The following DTNBP1 variants were observed in gnomAD, a reference collection of about 807,000 sequenced individuals.
DTNBP1 encodes the protein dystrobrevin binding protein 1.
DTNBP1 carries 35 observed loss-of-function variants against 42.8 expected under a neutral mutation model. The observed-to-expected ratio is 0.82, with a 90% CI of 0.63 to 1.09. The LOEUF is 1.09. Among genes scored for constraint, DTNBP1 ranks in the 50% least tolerant of loss-of-function variants. The pLI is 0.00. For missense variants in DTNBP1, 457 were observed against 424.2 expected (o/e 1.08, Z -0.68); for synonymous variants, 171 against 162.2 (o/e 1.05, Z -0.41).
chr6:15,659,555 CT>C (rs5874523), intron 1 of DTNBP1, among the ~76,000 whole-genome samples: 55,345 of 116,072 alleles, frequency 0.48, 10,456 homozygotes, highest in East Asian at 0.69. Context: ...GGGTTTCTTT[CT>C]TTTTTTTTTT....
chr6:15,588,799 G>A (rs193042159), intron 7 of DTNBP1, among the ~76,000 whole-genome samples: 40 of 152,246 alleles, frequency 2.6e-4, no homozygotes, highest in Non-Finnish European at 2.9e-5. Flanking sequence ...CTTTACAACT[G>A]TTCTTTCCTC....
intron 1 of DTNBP1, among the ~76,000 whole-genome samples, chr6:15,660,899 A>G (rs116475520): frequency 3.6e-4 from 55 of 152,326 alleles, no homozygotes; most frequent in African/African-American, 1.3e-3. Context: ...GGCCACTCTC[A>G]TGCTACAAAT....
chr6:15,604,521 G>A (rs998011734), intron 6 of DTNBP1, among the ~76,000 whole-genome samples: 1 of 152,104 alleles, frequency 6.6e-6, no homozygotes, highest in Non-Finnish European at 1.5e-5. Context: ...GCAAAGCCAG[G>A]CCTGAGGGCC....
At position 15,621,962 on chromosome 6, in the gene DTNBP1, T is replaced by C. The variant is rs561812095; in HGVS notation, c.355+5381A>G. On this transcript the variant is annotated intron_variant, in intron 5 of 9. Coordinates refer to ENST00000344537, the MANE Select transcript of DTNBP1 (RefSeq NM_032122.5). ...CACAGGACTCACATTCTGACTGATATCATCCAACCAGTTGTGTACTCTCAT... is the reference window on the plus strand; with the variant it reads ...CACAGGACTCACATTCTGACTGATACCATCCAACCAGTTGTGTACTCTCAT... Among the ~76,000 whole-genome samples, 336 of 152,334 alleles carry C rather than the reference T, an allele frequency of 2.2e-3. 4 individuals are homozygous for C. Among genetic ancestry groups the C allele is most frequent in the Middle Eastern group, 3.4e-3 (1 of 294 alleles).
At chr6:15,549,073 A>G (rs1187496028) in intron 7 of DTNBP1, among the ~76,000 whole-genome samples, 1 of 152,260 alleles carries the variant, frequency 6.6e-6, no homozygotes, top group Non-Finnish European at 1.5e-5. Context: ...CATGATCCAG[A>G]CTGCAAATAA....
At chr6:15,631,185 A>T (rs1759675717) in intron 4 of DTNBP1, among the ~76,000 whole-genome samples, 2 of 152,242 alleles carry the variant, frequency 1.3e-5, no homozygotes, top group African/African-American at 4.8e-5. Flanking sequence ...CATACTAAAG[A>T]TATACATTTA....
At chr6:15,526,211 G>A (rs1452891213) in intron 8 of DTNBP1, among the ~76,000 whole-genome samples, 1 of 152,232 alleles carries the variant, frequency 6.6e-6, no homozygotes, top group Non-Finnish European at 1.5e-5. Context: ...GCTCTCGCTA[G>A]AGGCATAGTG....
At chr6:15,563,298 A>C (rs1002442985) in intron 7 of DTNBP1, among the ~76,000 whole-genome samples, 1 of 152,230 alleles carries the variant, frequency 6.6e-6, no homozygotes, top group Non-Finnish European at 1.5e-5. Flanking sequence ...TCATGGCCTC[A>C]GGTTAGGCAA....
intron 3 of DTNBP1, among the ~76,000 whole-genome samples, chr6:15,649,238 A>G (rs1016872537): frequency 5.3e-5 from 8 of 152,164 alleles, no homozygotes; most frequent in Admixed American, 5.2e-4. Flanking sequence ...AGCAGTATTT[A>G]GAACAGCCAA....
chr6:15,606,777 G>C (rs1185579702), intron 6 of DTNBP1, among the ~76,000 whole-genome samples: 1 of 152,122 alleles, frequency 6.6e-6, no homozygotes, highest in Admixed American at 6.6e-5. Context: ...GTTTTCTTCA[G>C]AGTAAGAAAA....
chr6:15,631,430 T>C (rs914601720), intron 4 of DTNBP1, among the ~76,000 whole-genome samples: 11 of 152,106 alleles, frequency 7.2e-5, no homozygotes, highest in Admixed American at 4.6e-4. Context: ...ATCAAAAGAA[T>C]GATTGTTGTT....
intron 8 of DTNBP1, among the ~76,000 whole-genome samples, chr6:15,528,097 C>T (rs1436309472): frequency 2.0e-5 from 3 of 152,188 alleles, no homozygotes; most frequent in Non-Finnish European, 2.9e-5. Context: ...TCCGCTCAAA[C>T]TGTAGACAAG....
intron 1 of DTNBP1, among the ~76,000 whole-genome samples, chr6:15,657,772 AAT>A (rs1761369902): frequency 6.6e-6 from 1 of 152,218 alleles, no homozygotes; most frequent in African/African-American, 2.4e-5. Flanking sequence ...GCACTCAATA[AAT>A]ATTTGACAAA....
chr6:15,584,547 T>C (rs1775975710), intron 7 of DTNBP1, among the ~76,000 whole-genome samples: 1 of 152,024 alleles, frequency 6.6e-6, no homozygotes, highest in Non-Finnish European at 1.5e-5. Flanking sequence ...TCTGTTAATA[T>C]GTCTATCTAA....
At chr6:15,559,226 G>A (rs1237421337) in intron 7 of DTNBP1, among the ~76,000 whole-genome samples, 2 of 152,190 alleles carry the variant, frequency 1.3e-5, no homozygotes, top group Non-Finnish European at 2.9e-5. Flanking sequence ...GAAAGCGATC[G>A]TCAAGGCTGA....
At chr6:15,567,738 G>A (rs1242099705) in intron 7 of DTNBP1, among the ~76,000 whole-genome samples, 1 of 152,116 alleles carries the variant, frequency 6.6e-6, no homozygotes, top group Non-Finnish European at 1.5e-5. Context: ...ATGTCCTCAG[G>A]ACCTTTTGAG....
At chr6:15,631,126 TG>T (rs1759671842) in intron 4 of DTNBP1, among the ~76,000 whole-genome samples, 1 of 152,190 alleles carries the variant, frequency 6.6e-6, no homozygotes, top group Admixed American at 6.5e-5. Flanking sequence ...CAAAGACACA[TG>T]AGCGGTCTGA....
In DTNBP1 at chr6:15,581,453, C is replaced by T. The variant is rs566230712; in HGVS notation, c.511+11606G>A. Among the ~76,000 whole-genome samples the T allele has an allele frequency of 4.1e-5, 6 of 147,126 alleles. No individual in the cohort carries two copies. The East Asian group carries it at 1.0e-3, about 25-fold the overall frequency. ...TGGGCCTCTCAAAGCGCTGGGATTA[C>T]AGGCATGAGCCACCGCGCCCGACTG... is the stretch of plus-strand genomic sequence containing the variant. On this transcript the variant is annotated intron_variant, in intron 7 of 9. Transcript: ENST00000344537.
At chr6:15,595,973 C>G (rs1444344123) in intron 6 of DTNBP1, among the ~76,000 whole-genome samples, 4 of 152,266 alleles carry the variant, frequency 2.6e-5, no homozygotes, top group African/African-American at 4.8e-5. Flanking sequence ...GAAGAACGTT[C>G]TAGCTGTGAT....
Sources: gnomAD v4.1 joint callset for allele counts (sites outside exome capture counted in the v4.1 genomes callset) on GRCh38, gnomAD v4.1.1 for gene constraint, MANE v1.5 for transcripts, NCBI Gene and HGNC (gene_info 2026-07-23, HGNC 2026-07-21) for gene names.